Variants in VPS13D observed in about 807,000 individuals in gnomAD.
VPS13D encodes intermembrane lipid transfer protein VPS13D.
Under a neutral mutation model 461.9 loss-of-function variants are expected in VPS13D, and 187 were observed. The observed-to-expected ratio is 0.40, with a 90% confidence interval of 0.36 to 0.46. The LOEUF (loss-of-function observed/expected upper bound fraction) is 0.46. VPS13D is among the 20% of genes least tolerant of loss of function. The probability of loss-of-function intolerance (pLI) is 0.60; values close to 1 mark genes in which losing one functional copy is unlikely to be tolerated. For synonymous variants in VPS13D, 1,951 were observed against 1,986.3 expected, an observed-to-expected ratio of 0.98 and a Z score of 0.47; for missense variants, 4,711 against 5,364.9, an observed-to-expected ratio of 0.88 and a Z score of 3.81.
intron 60 of VPS13D, among the ~76,000 whole-genome samples, chr1:12,397,533 T>A (rs1644516411): frequency 6.6e-6 from 1 of 152,178 alleles, no homozygotes; most frequent in Non-Finnish European, 1.5e-5. Flanking sequence ...AGGTAATGAT[T>A]CATTCATTCA....
At chr1:12,261,605 G>A (rs1269962986) in intron 12 of VPS13D, among the ~76,000 whole-genome samples, 2 of 152,242 alleles carry the variant, frequency 1.3e-5, no homozygotes, top group Non-Finnish European at 2.9e-5. Flanking sequence ...CCACTGTACT[G>A]GATATCGCAG....
intron 65 of VPS13D, among the ~76,000 whole-genome samples, chr1:12,455,555 C>A (rs966141677): frequency 6.6e-6 from 1 of 151,770 alleles, no homozygotes; most frequent in African/African-American, 2.4e-5. Flanking sequence ...GTGTCCAGTC[C>A]TTTTGAGAAC....
chr1:12,385,023 T>C (rs181781978), intron 58 of VPS13D, among the ~76,000 whole-genome samples: 1 of 152,324 alleles, frequency 6.6e-6, no homozygotes, highest in East Asian at 1.9e-4. Context: ...TCTGCAGATA[T>C]CTAACCCCAC....
intron 63 of VPS13D, among the ~76,000 whole-genome samples, chr1:12,410,104 C>T (rs1379740013): frequency 6.6e-6 from 1 of 152,188 alleles, no homozygotes; most frequent in African/African-American, 2.4e-5. Context: ...TAATATCTTA[C>T]AGAGAAGGGA....
intron 25 of VPS13D, among the ~76,000 whole-genome samples, chr1:12,302,205 G>T (rs1642441945): frequency 6.6e-6 from 1 of 152,200 alleles, no homozygotes; most frequent in Non-Finnish European, 1.5e-5. Context: ...CATAGTATAT[G>T]TGGTCTGTGG....
intron 65 of VPS13D, among the ~76,000 whole-genome samples, chr1:12,445,587 G>A (rs1645182150): frequency 6.6e-6 from 1 of 152,158 alleles, no homozygotes; most frequent in Non-Finnish European, 1.5e-5. Flanking sequence ...AGGCCACTGA[G>A]GAATCCAAGG....
chr1:12,275,271 C>T (rs1039334167), intron 18 of VPS13D, among the ~76,000 whole-genome samples: 3 of 150,846 alleles, frequency 2.0e-5, no homozygotes, highest in Non-Finnish European at 4.4e-5. Flanking sequence ...AAAAATTAGC[C>T]GGGCATGGTG....
chr1:12,507,789 G>A lies in VPS13D; in HGVS notation c.13035+696G>A, dbSNP rs947856260. Among the ~76,000 whole-genome samples the A allele has an allele frequency of 1.3e-5, 2 of 152,220 alleles. No individual in the cohort carries two copies. The highest frequency in any genetic ancestry group is 1.3e-4 in the Admixed American group (2 of 15,286). ...CCGGGGTTCAAATCCGAGTGGCTTGGCACCAGAGCTGGCTGCAGAGCCTCT... is the reference window on the plus strand; with the variant it reads ...CCGGGGTTCAAATCCGAGTGGCTTGACACCAGAGCTGGCTGCAGAGCCTCT... On this transcript the variant is annotated intron_variant, in intron 69 of 69. Transcript: ENST00000620676. This position sits in a 1 kb window ranked among gnomAD's most constrained non-coding sequence, Gnocchi z 5.3.
intron 60 of VPS13D, among the ~76,000 whole-genome samples, chr1:12,387,276 T>C (rs1223490793): frequency 6.6e-6 from 1 of 152,186 alleles, no homozygotes; most frequent in Non-Finnish European, 1.5e-5. Flanking sequence ...AAAAGGAAGA[T>C]CCGAAAGAAT....
intron 65 of VPS13D, among the ~76,000 whole-genome samples, chr1:12,428,350 G>A (rs1228748905): frequency 1.3e-5 from 2 of 152,168 alleles, no homozygotes; most frequent in Admixed American, 6.5e-5. Flanking sequence ...TTACAGCTTC[G>A]CTTTTCCTTT....
intron 35 of VPS13D, among the ~76,000 whole-genome samples, 179 bp from the exon 36 acceptor site, chr1:12,327,469 C>A (rs1369835741): frequency 7.8e-6 from 1 of 127,698 alleles, no homozygotes; most frequent in Non-Finnish European, 1.7e-5. Flanking sequence ...TTCCCTCCCA[C>A]CCCCCACCCC....
At chr1:12,255,488 T>C (rs1265038892) in intron 7 of VPS13D, among the ~76,000 whole-genome samples, 1 of 152,080 alleles carries the variant, frequency 6.6e-6, no homozygotes, top group Non-Finnish European at 1.5e-5. Context: ...GCTGATGTCG[T>C]TGGTTGCCTC....
rs1306251441 is a variant in VPS13D at position 12,310,897 on chromosome 1, CTCCT to C, written c.6651-553_6651-550del. ...CCTCCTTCCCTCCTTCCCTCCTTCC[CTCCT>C]TCCCTCCTTCCCTCCCTCTCTCCCT... On this transcript the variant is annotated intron_variant, in intron 27 of 69. Transcript: ENST00000620676. Among the ~76,000 whole-genome samples, 1,281 of 138,684 alleles carry C rather than the reference CTCCT, an allele frequency of 9.2e-3. 21 individuals carry two copies. Among genetic ancestry groups the C allele is most frequent in the African/African-American group, 0.032 (1,145 of 36,148 alleles). The allele number at this position is 138,684 out of a possible 152,430, so 91.0% of individuals were successfully genotyped here. A position where few individuals can be genotyped will look rare whatever the true frequency, so the allele number is the denominator to read the frequency against.
chr1:12,362,922 G>A (rs1643972151), intron 51 of VPS13D, 72 bp downstream of exon 51: 1 of 1,602,922 alleles, frequency 6.2e-7, no homozygotes, highest in South Asian at 1.1e-5. Context: ...CTTCTGTGAA[G>A]ACTGTACGTT....
At chr1:12,308,336 A>G in intron 26 of VPS13D, 95 bp from the exon 27 acceptor site, 1 of 1,343,060 alleles carries the variant, frequency 7.4e-7, no homozygotes, top group Non-Finnish European at 1.0e-6. Context: ...AACATTTTCA[A>G]AGACAGAATG....
intron 13 of VPS13D, among the ~76,000 whole-genome samples, chr1:12,264,908 A>G (rs1641220697): frequency 6.6e-6 from 1 of 152,230 alleles, no homozygotes; most frequent in African/African-American, 2.4e-5. Flanking sequence ...AAAGCTTCAA[A>G]GAACAGGCTG....
intron 32 of VPS13D, among the ~76,000 whole-genome samples, chr1:12,319,943 C>T (rs1308820316): frequency 2.6e-5 from 4 of 152,222 alleles, no homozygotes; most frequent in African/African-American, 7.2e-5. Flanking sequence ...TGTGCCCTCT[C>T]GTTCTGCAGA....
At chr1:12,313,455 T>C (rs1437864345) in intron 29 of VPS13D, among the ~76,000 whole-genome samples, 1 of 151,936 alleles carries the variant, frequency 6.6e-6, no homozygotes, top group Non-Finnish European at 1.5e-5. Flanking sequence ...ACTACAGGCA[T>C]GAGCCACGTC....
rs72868298 is a variant in VPS13D at position 12,458,514 on chromosome 1, C to T, written c.12467-1687C>T. Among the ~76,000 whole-genome samples the T allele has an allele frequency of 4.3e-3, 656 of 151,744 alleles. 6 individuals carry two copies. Among genetic ancestry groups the T allele is most frequent in the African/African-American group, 0.015 (617 of 41,340 alleles). On this transcript the variant is annotated intron_variant, in intron 66 of 69. Transcript: ENST00000620676. ...CCCAGGAGTTTAAGGCTGCAGCAAG[C>T]GGTAATCATGCCACTGCACTCCTGC...
Sources: allele counts gnomAD v4.1 joint callset (sites outside exome capture counted in the v4.1 genomes callset), GRCh38; gene constraint gnomAD v4.1.1; non-coding constraint Gnocchi (gnomAD v3.1); transcripts MANE v1.5; gene names NCBI Gene and HGNC (gene_info 2026-07-23, HGNC 2026-07-21).